The following HEATR1 variants were observed in gnomAD, a reference collection of about 807,000 sequenced individuals.
HEATR1 encodes HEAT repeat containing 1, also known as HEAT repeat-containing protein 1.
HEATR1 carries 77 observed loss-of-function variants against 248.2 expected under a neutral mutation model. The ratio of observed to expected loss-of-function variants is 0.31; its 90% CI spans 0.26 to 0.37. HEATR1 has a LOEUF of 0.37. HEATR1 is among the 10% of genes least tolerant of loss of function. HEATR1 has a pLI of 1.00. For missense variants in HEATR1, 2,420 were observed against 2,504.9 expected (o/e 0.97, Z 0.72); for synonymous variants, 897 against 923.1 (o/e 0.97, Z 0.51).
chr1:236,603,453 C>G, intron 2 of HEATR1, 77 bp from the exon 3 acceptor site: 2 of 1,151,750 alleles, frequency 1.7e-6, no homozygotes. Flanking sequence ...TACAGTTTTA[C>G]TTACCCCTAA....
At chr1:236,589,582 T>C (rs959175) in intron 12 of HEATR1, among the ~76,000 whole-genome samples, 81,918 of 151,982 alleles carry the variant, frequency 0.54, 24,032 homozygotes, top group Non-Finnish European at 0.66. Flanking sequence ...GTGTGATTAG[T>C]TGTAATTAGC....
Position 236,585,041 on chromosome 1 carries a change from C to A in HEATR1, c.2225G>T (p.Ser742Ile), listed in dbSNP as rs745478013. The change falls in exon 17 of 45, where the codon AGT (serine) becomes ATT (isoleucine). Residue 742 changes from serine to isoleucine, a missense_variant. Ser to Ile is a moderately radical substitution (Grantham distance 142). Coordinates refer to ENST00000366582, the MANE Select transcript of HEATR1 (RefSeq NM_018072.6). ...TTTCCTTACCACTGCAGTAATGACACTTTCAAGCTTCTTTATTTTTTTCTG... is the reference window on the plus strand; with the variant it reads ...TTTCCTTACCACTGCAGTAATGACAATTTCAAGCTTCTTTATTTTTTTCTG... ...LLQKKIKKLE[S>I]VITAVEIPSE... The A allele has an allele frequency of 3.1e-6, 5 of 1,613,000 alleles. No homozygotes were observed. Among genetic ancestry groups the A allele is most frequent in the Non-Finnish European group, 4.2e-6 (5 of 1,179,616 alleles).
intron 1 of HEATR1, 137 bp downstream of exon 1, chr1:236,604,285 A>T (rs1482364960): frequency 1.9e-6 from 1 of 533,088 alleles, no homozygotes; most frequent in East Asian, 3.5e-5. Context: ...CAGCAGCGTT[A>T]ACAACTAATT....
chr1:236,552,053 T>C lies in HEATR1; in HGVS notation c.6292A>G (p.Asn2098Asp). The C allele has an allele frequency of 6.2e-7, 1 of 1,613,702 alleles. No homozygotes were observed. Reference sequence around the variant, plus strand: ...GATTCTGGTAGCAAGACAATATAATTCTCCTTTAGTTTTTCAGCCAGTGCT... The same window carrying C: ...GATTCTGGTAGCAAGACAATATAATCCTCCTTTAGTTTTTCAGCCAGTGCT... ...VLALAEKLKE[N>D]YIVLLPESIP... The change falls in exon 44 of 45, where the codon AAT (asparagine) becomes GAT (aspartate). Residue 2098 changes from asparagine (N) to aspartate (D), a missense_variant. Physicochemically the swap from Asn to Asp is conservative, Grantham distance 23. Transcript: ENST00000366582.
At position 236,553,695 on chromosome 1, in the gene HEATR1, C is replaced by T. The variant is rs1225869376; in HGVS notation, c.6123G>A (p.Val2041=). ...CGATGCATGGTATCAGGTGCTTTGT[C>T]ACCCGTTCCTGGAATTTCTCTTCTC... ...LGGEEKFQER[V]TKHLIPCIAQ... The change falls in exon 43 of 45, where the codon GTG becomes GTA. Residue 2041 remains valine, a synonymous_variant. Transcript: ENST00000366582. 1 of 1,613,618 alleles carries T rather than the reference C, an allele frequency of 6.2e-7. No homozygotes were observed. Among genetic ancestry groups the T allele is most frequent in the South Asian group, 1.1e-5 (1 of 90,962 alleles).
intron 24 of HEATR1, 103 bp from the exon 25 acceptor site, chr1:236,572,931 G>A: frequency 1.9e-6 from 2 of 1,045,032 alleles, no homozygotes; most frequent in Non-Finnish European, 2.9e-6. Context: ...TAAGAGGGAA[G>A]AATGACTTAC....
In HEATR1 at chr1:236,571,412, T is replaced by G. The variant is rs372421763; in HGVS notation, c.3887A>C (p.Glu1296Ala). 1 of 1,613,144 alleles carries G rather than the reference T, an allele frequency of 6.2e-7. No homozygotes were observed. Among genetic ancestry groups the G allele is most frequent in the Non-Finnish European group, 8.5e-7 (1 of 1,179,830 alleles). ...ELIVQCIRLS[E>A]MPQTHHHALL... ...GGCATGGTGATGGGTCTGCGGCATC[T>G]CCGAAAGGCGGATGCACTGAACTAT... Residue 1296 changes from glutamate (E) to alanine (A), a missense_variant, in exon 28 of 45, where the codon GAG (glutamate) becomes GCG (alanine). Transcript: ENST00000366582.
rs576912176 is a variant in HEATR1 at position 236,586,788 on chromosome 1, A to G, written c.1716-336T>C. 2.9e-5 allele frequency among the ~76,000 whole-genome samples: 4 copies of G among 135,996 alleles called. No homozygotes were observed. The Admixed American group carries it at 3.1e-4, about 11-fold the overall frequency. 89.2% of individuals were successfully genotyped at this position (135,996 alleles called of 152,430 possible). A position where few individuals can be genotyped will look rare whatever the true frequency, so the allele number is the denominator to read the frequency against. On this transcript the variant is annotated intron_variant, in intron 14 of 44. Coordinates refer to ENST00000366582, the MANE Select transcript of HEATR1 (RefSeq NM_018072.6). The stretch of plus-strand genomic sequence containing the variant: ...GAAATCACTAGAGGTTAACTATAAC[A>G]TAAGACATATCACACTAGATGTCTC...
chr1:236,570,489 C>A lies in HEATR1; in HGVS notation c.3948+862G>T, dbSNP rs566190769. Among the ~76,000 whole-genome samples the A allele has an allele frequency of 7.2e-5, 11 of 151,860 alleles. No homozygotes were observed. In the South Asian group the frequency reaches 2.3e-3, roughly 32 times the overall value. Reference sequence around the variant, plus strand: ...GTGCTGGTGGTGACGGTGGCAGCGGCAGGGAGGAGGGAGAGGAAGAGTGAC... The same window carrying A: ...GTGCTGGTGGTGACGGTGGCAGCGGAAGGGAGGAGGGAGAGGAAGAGTGAC... On this transcript the variant is annotated intron_variant, in intron 28 of 44. Transcript: ENST00000366582.
At position 236,566,705 on chromosome 1, in the gene HEATR1, T is replaced by C. The variant is rs1401720044; in HGVS notation, c.4249A>G (p.Ile1417Val). 4 of 1,614,016 alleles carry C rather than the reference T, an allele frequency of 2.5e-6. No individual in the cohort carries two copies. The highest frequency in any genetic ancestry group is 3.4e-6 in the Non-Finnish European group (4 of 1,180,026). ...GTGACATACTGTTCAAAAAGCAAGA[T>C]GAGGAGAATCCAGAGGAATTTCTCT... ...GAEKFLWILL[I>V]LLFEQYVTKT... The change falls in exon 30 of 45, where the codon ATC becomes GTC. Residue 1417 changes from isoleucine (I) to valine (V), a missense_variant. Coordinates refer to ENST00000366582, the MANE Select transcript of HEATR1 (RefSeq NM_018072.6).
chr1:236,582,621 T>C (rs559914093), intron 19 of HEATR1, 115 bp downstream of exon 19: 6 of 1,030,540 alleles, frequency 5.8e-6, no homozygotes, highest in Admixed American at 3.9e-5. Context: ...CAGGCTGGTA[T>C]TGAACTCCTG....
At position 236,583,203 on chromosome 1, in the gene HEATR1, T is replaced by C. The variant is rs745426477; in HGVS notation, c.2242-7A>G. The C allele has an allele frequency of 1.9e-6, 3 of 1,578,536 alleles. No individual in the cohort carries two copies. The highest frequency in any genetic ancestry group is 1.2e-5 in the South Asian group (1 of 86,300). On this transcript the variant is annotated splice_polypyrimidine_tract_variant and splice_region_variant and intron_variant, in intron 17 of 44. Transcript: ENST00000366582. The stretch of plus-strand genomic sequence containing the variant: ...GCCATTCTGAGGGGATTTCCTGAAA[T>C]GTTAAAGGAAACAAAAACTAGTACA...
At chr1:236,594,889 C>T (rs570082042) in intron 8 of HEATR1, among the ~76,000 whole-genome samples, 76 of 152,238 alleles carry the variant, frequency 5.0e-4, no homozygotes, top group African/African-American at 1.7e-3. Flanking sequence ...CCTCGAACTC[C>T]CTGGACTCAG....
Position 236,599,644 on chromosome 1 carries a change from A to C in HEATR1, c.360-20T>G. 1 of 1,588,328 alleles carries C rather than the reference A, an allele frequency of 6.3e-7. No homozygotes were observed. The highest frequency in any genetic ancestry group is 2.3e-5 in the East Asian group (1 of 44,352). ...TGGAACCTGGGGAAAAAAAGCAAAC[A>C]GTCCAACTGAACACAAAACTTAATA... is the stretch of plus-strand genomic sequence containing the variant. On this transcript the variant is annotated intron_variant, in intron 3 of 44. Coordinates refer to ENST00000366582, the MANE Select transcript of HEATR1 (RefSeq NM_018072.6).
At chr1:236,602,872 C>T (rs1395570882) in intron 3 of HEATR1, 1 of 262,670 alleles carries the variant, frequency 3.8e-6, no homozygotes, top group Non-Finnish European at 7.3e-6. Flanking sequence ...TGCAGTGAGC[C>T]AAGATTTCAA....
rs146809762 is a variant in HEATR1, at chr1:236,551,141, C to T, written c.6347-151G>A. On this transcript the variant is annotated intron_variant, in intron 44 of 44. Coordinates refer to ENST00000366582, the MANE Select transcript of HEATR1 (RefSeq NM_018072.6). ...CACATTAACAAAGCAGGAGGCGCCA[C>T]GGACCGCCTCCCTCCACACCGCTCC... 422 of 613,912 alleles carry T rather than the reference C, an allele frequency of 6.9e-4. 3 individuals carry two copies. In the African/African-American group the frequency reaches 7.2e-3, roughly 11 times the overall value. 38.0% of individuals were successfully genotyped at this position (613,912 alleles called of 1,614,324 possible). A position where few individuals can be genotyped will look rare whatever the true frequency, so the allele number is the denominator to read the frequency against.
chr1:236,585,913 C>A lies in HEATR1; in HGVS notation c.1956G>T (p.Lys652Asn). The A allele has an allele frequency of 1.2e-6, 2 of 1,613,362 alleles. No individual in the cohort carries two copies. The highest frequency in any genetic ancestry group is 1.7e-6 in the Non-Finnish European group (2 of 1,179,588). The part of the protein sequence containing the change: ...EALENVIKST[K>N]PGKLIGVANQ... ...TTGCTACACCGATTAGTTTTCCTGG[C>A]TTTGTGCTTTTAATTACATTTTCAA... Residue 652 changes from lysine (K) to asparagine (N), a missense_variant, in exon 16 of 45, where the codon AAG (lysine) becomes AAT (asparagine). By Grantham distance (94) the Lys-to-Asn change is moderately conservative (BLOSUM62 0). Coordinates refer to ENST00000366582, the MANE Select transcript of HEATR1 (RefSeq NM_018072.6).
At chr1:236,573,342 A>T (rs12563721) in intron 24 of HEATR1, among the ~76,000 whole-genome samples, 15,116 of 152,200 alleles carry the variant, frequency 0.099, 1,037 homozygotes, top group East Asian at 0.31. Context: ...ATATACACAC[A>T]TGCACAAAAA....
Position 236,555,638 on chromosome 1 carries a change from A to G in HEATR1, c.5667T>C (p.Val1889=), listed in dbSNP as rs1189567644. 2.5e-6 allele frequency: 4 copies of G among 1,614,234 alleles called. No individual in the cohort carries two copies. Among genetic ancestry groups the G allele is most frequent in the Non-Finnish European group, 3.4e-6 (4 of 1,180,044 alleles). The part of the protein sequence containing the change: ...AQHSENDLEE[V]GKTENCIIDC... Reference sequence around the variant, plus strand: ...CAATGATACAATTTTCCGTTTTTCCAACTTCCTCCAGATCGTTCTGAAAAC... The same window carrying G: ...CAATGATACAATTTTCCGTTTTTCCGACTTCCTCCAGATCGTTCTGAAAAC... Residue 1889 remains valine (V), a synonymous_variant, in exon 40 of 45, where the codon GTT becomes GTC. Coordinates refer to ENST00000366582, the MANE Select transcript of HEATR1 (RefSeq NM_018072.6).
Sources: gnomAD v4.1 joint callset for allele counts (sites outside exome capture counted in the v4.1 genomes callset) on GRCh38, gnomAD v4.1.1 for gene constraint, MANE v1.5 for transcripts, NCBI Gene and HGNC (gene_info 2026-07-23, HGNC 2026-07-21) for gene names.